SLC12A8: variants seen among roughly 807,000 people sequenced by gnomAD.
SLC12A8 encodes cation-chloride cotransporter 9.
In SLC12A8, 69 loss-of-function variants were observed where a neutral mutation model predicts 75.6. That is an observed-to-expected ratio of 0.91 (90% CI 0.75 to 1.11). SLC12A8 has a LOEUF of 1.11. SLC12A8 is among the 50% of genes most tolerant of loss of function. The pLI is 0.00. For missense variants in SLC12A8, 877 were observed against 896.7 expected (o/e 0.98, Z 0.28); for synonymous variants, 365 against 372.8 (o/e 0.98, Z 0.24).
At chr3:125,117,415 C>T (rs772428374) in intron 8 of SLC12A8, among the ~76,000 whole-genome samples, 6 of 136,896 alleles carry the variant, frequency 4.4e-5, no homozygotes, top group Non-Finnish European at 7.7e-5. Context: ...GGCGAAACCC[C>T]GTCTCTACAA....
chr3:125,201,993 C>T (rs973416862), intron 2 of SLC12A8, among the ~76,000 whole-genome samples: 4 of 152,102 alleles, frequency 2.6e-5, no homozygotes, highest in Non-Finnish European at 4.4e-5. Flanking sequence ...CTGCAACCTC[C>T]GCCTCCTGGG....
chr3:125,147,015 G>T (rs1044555366), intron 5 of SLC12A8, among the ~76,000 whole-genome samples: 1 of 152,184 alleles, frequency 6.6e-6, no homozygotes, highest in Non-Finnish European at 1.5e-5. Flanking sequence ...GTTTGCCGAC[G>T]TCTGGAATCC....
chr3:125,146,000 T>C (rs1933762070), intron 5 of SLC12A8, among the ~76,000 whole-genome samples: 1 of 152,122 alleles, frequency 6.6e-6, no homozygotes, highest in African/African-American at 2.4e-5. Context: ...AGCTAATTTT[T>C]TATATTTTTT....
At chr3:125,205,555 A>T (rs569583808) in intron 2 of SLC12A8, among the ~76,000 whole-genome samples, 3 of 152,292 alleles carry the variant, frequency 2.0e-5, no homozygotes, top group African/African-American at 7.2e-5. Context: ...CAGAGGAGAA[A>T]GAGGAAAGGA....
intron 5 of SLC12A8, among the ~76,000 whole-genome samples, chr3:125,170,727 A>G (rs1934389969): frequency 6.6e-6 from 1 of 152,126 alleles, no homozygotes. Context: ...ATCCTGGCTA[A>G]CACGGTGAAA....
chr3:125,172,582 C>T (rs761574458), intron 5 of SLC12A8, among the ~76,000 whole-genome samples: 1 of 152,164 alleles, frequency 6.6e-6, no homozygotes, highest in Non-Finnish European at 1.5e-5. Flanking sequence ...CCAAGTCACA[C>T]CCAAATTACT....
intron 2 of SLC12A8, among the ~76,000 whole-genome samples, chr3:125,197,929 G>C (rs140058554): frequency 6.6e-6 from 1 of 152,204 alleles, no homozygotes; most frequent in African/African-American, 2.4e-5. Flanking sequence ...TAGTCTCAAA[G>C]CATCTACAAA....
chr3:125,126,000 G>C (rs1222474131), intron 6 of SLC12A8: 3 of 849,642 alleles, frequency 3.5e-6, no homozygotes, highest in Admixed American at 6.2e-5. Context: ...GGTTTTAAAC[G>C]CCAATTCCAG....
chr3:125,201,070 G>A (rs1433290798), intron 2 of SLC12A8, among the ~76,000 whole-genome samples: 1 of 152,118 alleles, frequency 6.6e-6, no homozygotes, highest in East Asian at 1.9e-4. Flanking sequence ...CTTTCTGACT[G>A]TTCGTGTGGG....
intron 2 of SLC12A8, among the ~76,000 whole-genome samples, chr3:125,195,278 C>T (rs886407154): frequency 6.6e-6 from 1 of 152,194 alleles, no homozygotes; most frequent in African/African-American, 2.4e-5. Flanking sequence ...CCCTGCCCAG[C>T]CCAGGCATTC....
chr3:125,168,590 G>A (rs1480121951), intron 5 of SLC12A8, among the ~76,000 whole-genome samples: 1 of 152,178 alleles, frequency 6.6e-6, no homozygotes, highest in African/African-American at 2.4e-5. Flanking sequence ...CAGGGAACAG[G>A]AAAACCAAGA....
intron 5 of SLC12A8, among the ~76,000 whole-genome samples, chr3:125,143,490 C>T (rs189537363): frequency 6.6e-6 from 1 of 152,338 alleles, no homozygotes. Flanking sequence ...GACTTTGGTC[C>T]TGCAAAGAGA....
At chr3:125,086,969 A>T (rs1579458421) in intron 13 of SLC12A8, among the ~76,000 whole-genome samples, 1 of 152,328 alleles carries the variant, frequency 6.6e-6, no homozygotes, top group Non-Finnish European at 1.5e-5. Context: ...GATTCTTGGG[A>T]ATGCAGAGTG....
At chr3:125,181,417 A>C (rs548247210) in intron 4 of SLC12A8, among the ~76,000 whole-genome samples, 1 of 149,742 alleles carries the variant, frequency 6.7e-6, no homozygotes, top group African/African-American at 2.4e-5. Context: ...CTGGCTAACA[A>C]GGTGAAACCC....
intron 4 of SLC12A8, among the ~76,000 whole-genome samples, chr3:125,180,588 G>A (rs1036997624): frequency 2.6e-5 from 4 of 152,118 alleles, no homozygotes; most frequent in African/African-American, 7.2e-5. Context: ...CTGCTTGAGA[G>A]GCTGAGGCAG....
At chr3:125,165,450 T>C (rs559637) in intron 5 of SLC12A8, among the ~76,000 whole-genome samples, 126,056 of 152,238 alleles carry the variant, frequency 0.83, 52,295 homozygotes, top group African/African-American at 0.85. Context: ...CAAAGACATG[T>C]AGATGCCCTT....
intron 5 of SLC12A8, among the ~76,000 whole-genome samples, chr3:125,162,532 C>G (rs528750232): frequency 9.2e-5 from 14 of 152,344 alleles, no homozygotes; most frequent in Non-Finnish European, 1.8e-4. Context: ...AACTCCACCT[C>G]CTGGGTTTCA....
rs554942446 is a variant in SLC12A8, at chr3:125,145,421, G to C, written c.623-9639C>G. ...CCAAATGTCCATCCACAGATGAATG[G>C]ATAAACAAAATGTGGTATATCGATA... On this transcript the variant is annotated intron_variant, in intron 5 of 13. Coordinates refer to ENST00000469902, the MANE Select transcript of SLC12A8 (RefSeq NM_024628.6). 1.3e-4 allele frequency among the ~76,000 whole-genome samples: 20 copies of C among 152,296 alleles called. No homozygotes were observed. In the South Asian group the frequency reaches 4.1e-3, roughly 32 times the overall value.
At chr3:125,177,477 TAATA>T (rs1345085507) in intron 5 of SLC12A8, among the ~76,000 whole-genome samples, 3 of 151,502 alleles carry the variant, frequency 2.0e-5, no homozygotes, top group South Asian at 2.1e-4. Flanking sequence ...AGTATAATAA[TAATA>T]AATAAATAAA....
Sources: allele counts gnomAD v4.1 joint callset (sites outside exome capture counted in the v4.1 genomes callset), GRCh38; gene constraint gnomAD v4.1.1; transcripts MANE v1.5; gene names NCBI Gene and HGNC (gene_info 2026-07-23, HGNC 2026-07-21).